Variants in ILK observed in about 807,000 individuals in gnomAD.
ILK encodes integrin linked kinase, also known as scaffold protein ILK.
Under a neutral mutation model 57.8 loss-of-function variants are expected in ILK, and 37 were observed. That is an observed-to-expected ratio of 0.64 (90% CI 0.49 to 0.84). The LOEUF is 0.84. ILK is among the 40% of genes least tolerant of loss of function. ILK has a pLI of 0.00. For synonymous variants in ILK, 231 were observed against 202.2 expected, an observed-to-expected ratio of 1.14 and a Z score of -1.21; for missense variants, 528 against 595.7, an observed-to-expected ratio of 0.89 and a Z score of 1.18.
rs1589935112 is a variant in ILK at position 6,608,238 on chromosome 11, C to T, written c.255+27C>T. On this transcript the variant is annotated intron_variant, in intron 3 of 12. Transcript: ENST00000299421. The surrounding 1 kb of genome is among the most constrained non-coding windows in gnomAD (Gnocchi z 4.9). ...TACGTACAAACTCCTTCGTCATCCA[C>T]ATCACATACATGCCATGAGGGTCAG... 3 of 1,612,538 alleles carry T rather than the reference C, an allele frequency of 1.9e-6. No homozygotes were observed. The highest frequency in any genetic ancestry group is 2.5e-6 in the Non-Finnish European group (3 of 1,178,472).
intron 2 of ILK, among the ~76,000 whole-genome samples, chr11:6,605,866 C>G (rs1377860308): frequency 6.6e-6 from 1 of 152,228 alleles, no homozygotes; most frequent in Non-Finnish European, 1.5e-5. Flanking sequence ...GCTCTCGATA[C>G]AGCAGATTTG....
intron 2 of ILK, chr11:6,606,852 A>C (rs1854964574): frequency 6.6e-6 from 1 of 152,242 alleles, no homozygotes; most frequent in Non-Finnish European, 1.5e-5. Context: ...GAAGCTGATA[A>C]GTCAGGGCAC....
intron 2 of ILK, among the ~76,000 whole-genome samples, chr11:6,605,507 A>G (rs1264938963): frequency 2.2e-5 from 3 of 137,002 alleles, no homozygotes; most frequent in African/African-American, 8.9e-5. Flanking sequence ...TTGAATTTAC[A>G]GTTGGGTTTT....
At chr11:6,607,848 A>G (rs1855084450) in intron 2 of ILK, 198 bp from the exon 3 acceptor site, 1 of 600,630 alleles carries the variant, frequency 1.7e-6, no homozygotes. Context: ...GGTTGTTGAG[A>G]TATCTAGGTG....
Position 6,604,292 on chromosome 11 carries a change from G to A in ILK, c.21G>A (p.Gln7=), listed in dbSNP as rs1854597531. 1 of 1,612,782 alleles carries A rather than the reference G, an allele frequency of 6.2e-7. No individual in the cohort carries two copies. Among genetic ancestry groups the A allele is most frequent in the African/African-American group, 1.3e-5 (1 of 75,034 alleles). MDDIFT[Q]CREGNAVAVR... ...CTGCTATGGACGACATTTTCACTCA[G>A]TGCCGGGAGGGCAACGCAGTCGCCG... The change falls in exon 2 of 13, where the codon CAG becomes CAA. Residue 7 remains glutamine (Q), a synonymous_variant. Transcript: ENST00000299421.
At chr11:6,606,804 C>T (rs547128846) in intron 2 of ILK, 67 of 152,236 alleles carry the variant, frequency 4.4e-4, no homozygotes, top group African/African-American at 1.5e-3. Context: ...ACTTTTGCCC[C>T]CCGAGTTTGG....
At position 6,609,098 on chromosome 11, in the gene ILK, G is replaced by T. The variant is rs1406793461; in HGVS notation, c.560G>T (p.Gly187Val). The T allele has an allele frequency of 2.5e-6, 4 of 1,614,032 alleles. No homozygotes were observed. Among genetic ancestry groups the T allele is most frequent in the African/African-American group, 2.7e-5 (2 of 74,904 alleles). Residue 187 changes from glycine (G) to valine (V), a missense_variant, in exon 7 of 13, where the codon GGC (glycine) becomes GTC (valine). Gly to Val is a moderately radical substitution (Grantham distance 109, BLOSUM62 -3). Transcript: ENST00000299421. ...PRNGTLNKHS[G>V]IDFKQLNFLT... Reference sequence around the variant, plus strand: ...AATGGAACCCTGAACAAACACTCTGGCATTGACTTCAAACAGCTTAACTTC... The same window carrying T: ...AATGGAACCCTGAACAAACACTCTGTCATTGACTTCAAACAGCTTAACTTC...
Position 6,610,745 on chromosome 11 carries a change from C to G in ILK, c.*134C>G. The G allele has an allele frequency of 7.4e-7, 1 of 1,347,116 alleles. No individual in the cohort carries two copies. Among genetic ancestry groups the G allele is most frequent in the Non-Finnish European group, 1.1e-6 (1 of 951,734 alleles). 83.4% of individuals were successfully genotyped at this position (1,347,116 alleles called of 1,614,324 possible). On this transcript the variant is annotated 3_prime_UTR_variant, in exon 13 of 13. Coordinates refer to ENST00000299421, the MANE Select transcript of ILK (RefSeq NM_004517.4). ...ACTACCCCAGCCATGGGGTCCATCC[C>G]CTTCCCCCATCCCTACCACTGTGGC...
Position 6,610,474 on chromosome 11 carries a change from G to A in ILK, c.1222G>A (p.Gly408Ser), listed in dbSNP as rs1427775328. 12 of 1,614,096 alleles carry A rather than the reference G, an allele frequency of 7.4e-6. No individual in the cohort carries two copies. The highest frequency in any genetic ancestry group is 1.0e-5 in the Non-Finnish European group (12 of 1,180,044). Reference protein sequence around the residue: ...MEIGMKVALEGLRPTIPPGIS... With the variant: ...MEIGMKVALESLRPTIPPGIS... ...CTTGTATTCGCAGGTGGCATTGGAAGGCCTTCGGCCTACCATCCCACCAGG... is the reference window on the plus strand; with the variant it reads ...CTTGTATTCGCAGGTGGCATTGGAAAGCCTTCGGCCTACCATCCCACCAGG... The change falls in exon 13 of 13, where the codon GGC (glycine) becomes AGC (serine). Residue 408 changes from glycine (G) to serine (S), a missense_variant. Physicochemically the swap from Gly to Ser is moderately conservative, Grantham distance 56 (BLOSUM62 0). Coordinates refer to ENST00000299421, the MANE Select transcript of ILK (RefSeq NM_004517.4).
chr11:6,608,492 G>A lies in ILK; in HGVS notation c.351+3G>A. ...GGGGCCAAGATCAAGTGGCAGAGGT[G>A]AGTACTCAGCCCTTAATTCCTGAGA... On this transcript the variant is annotated splice_donor_region_variant and intron_variant, in intron 4 of 12. Coordinates refer to ENST00000299421, the MANE Select transcript of ILK (RefSeq NM_004517.4). This position sits in a 1 kb window ranked among gnomAD's most constrained non-coding sequence, Gnocchi z 4.9. 1 of 1,605,382 alleles carries A rather than the reference G, an allele frequency of 6.2e-7. No homozygotes were observed. The highest frequency in any genetic ancestry group is 8.5e-7 in the Non-Finnish European group (1 of 1,171,980).
intron 11 of ILK, 27 bp downstream of exon 11, chr11:6,610,062 T>TA (rs1855344803): frequency 1.9e-6 from 3 of 1,613,296 alleles, no homozygotes; most frequent in South Asian, 2.2e-5. Flanking sequence ...TGTCGGGAGG[T>TA]AAAAAAGGAC....
intron 2 of ILK, 136 bp from the exon 3 acceptor site, chr11:6,607,910 G>A (rs1380221752): frequency 3.4e-6 from 3 of 882,524 alleles, no homozygotes; most frequent in African/African-American, 3.3e-5. Flanking sequence ...AGCTTTGGGA[G>A]TTGCTGGCAT....
chr11:6,609,042 C>T, intron 6 of ILK, 29 bp from the exon 7 acceptor site: 2 of 1,611,750 alleles, frequency 1.2e-6, no homozygotes, highest in Non-Finnish European at 1.7e-6. Context: ...TAGGGTGAAG[C>T]TGGGTACCTG....
intron 2 of ILK, 169 bp downstream of exon 2, chr11:6,604,529 A>C: frequency 1.4e-6 from 1 of 693,178 alleles, no homozygotes. Flanking sequence ...GTTTGAGCTG[A>C]ATCTTGACTG....
intron 2 of ILK, chr11:6,604,819 G>C (rs55802517): frequency 1.3e-5 from 6 of 458,458 alleles, no homozygotes; most frequent in South Asian, 4.6e-5. Context: ...TTTTAAAGCT[G>C]TATAGTGACA....
chr11:6,608,438 G>C lies in ILK; in HGVS notation c.300G>C (p.Gly100=). 1 of 1,614,214 alleles carries C rather than the reference G, an allele frequency of 6.2e-7. No homozygotes were observed. The highest frequency in any genetic ancestry group is 8.5e-7 in the Non-Finnish European group (1 of 1,180,020). ...ACATCAATGCAGTGAATGAACACGGGAATGTGCCCCTGCACTATGCCTGTT... is the reference window on the plus strand; with the variant it reads ...ACATCAATGCAGTGAATGAACACGGCAATGTGCCCCTGCACTATGCCTGTT... ...KADINAVNEH[G]NVPLHYACFW... The change falls in exon 4 of 13, where the codon GGG becomes GGC. Residue 100 remains glycine (G), a synonymous_variant. Coordinates refer to ENST00000299421, the MANE Select transcript of ILK (RefSeq NM_004517.4). This position sits in a 1 kb window ranked among gnomAD's most constrained non-coding sequence, Gnocchi z 4.9.
chr11:6,609,321 G>C lies in ILK; in HGVS notation c.641G>C (p.Gly214Ala), dbSNP rs374924048. The part of the protein sequence containing the change: ...SGELWKGRWQ[G>A]NDIVVKVLKV... Reference sequence around the variant, plus strand: ...CAGCTATGGAAGGGCCGCTGGCAGGGCAATGACATTGTCGTGAAGGTGCTG... The same window carrying C: ...CAGCTATGGAAGGGCCGCTGGCAGGCCAATGACATTGTCGTGAAGGTGCTG... Residue 214 changes from glycine to alanine, a missense_variant, in exon 8 of 13, where the codon GGC becomes GCC. Transcript: ENST00000299421. 2 of 1,614,116 alleles carry C rather than the reference G, an allele frequency of 1.2e-6. No homozygotes were observed. Among genetic ancestry groups the C allele is most frequent in the African/African-American group, 1.3e-5 (1 of 75,016 alleles).
rs763068953 is a variant in ILK at position 6,608,874 on chromosome 11, T to C, written c.449-10T>C. 1 of 1,614,198 alleles carries C rather than the reference T, an allele frequency of 6.2e-7. No homozygotes were observed. The highest frequency in any genetic ancestry group is 1.1e-5 in the South Asian group (1 of 91,082). Reference sequence around the variant, plus strand: ...TCTGTACCACAGCTTAGGTTGTTTTTCTTCCCTAGAGCGGGCAGAGAAGAT... The same window carrying C: ...TCTGTACCACAGCTTAGGTTGTTTTCCTTCCCTAGAGCGGGCAGAGAAGAT... On this transcript the variant is annotated splice_polypyrimidine_tract_variant and intron_variant, in intron 5 of 12. Transcript: ENST00000299421. This position sits in a 1 kb window ranked among gnomAD's most constrained non-coding sequence, Gnocchi z 4.9.
rs1206361042 is a variant in ILK at position 6,603,822 on chromosome 11, G to A, written c.-93G>A. The A allele has an allele frequency of 2.3e-5, 8 of 350,092 alleles. No homozygotes were observed. The highest frequency in any genetic ancestry group is 4.1e-5 in the Non-Finnish European group (8 of 193,528). 21.7% of individuals were successfully genotyped at this position (350,092 alleles called of 1,614,324 possible). A position where few individuals can be genotyped will look rare whatever the true frequency, so the allele number is the denominator to read the frequency against. Reference sequence around the variant, plus strand: ...AGAAGGATCCTGCAGCCCGAGTCCCGGTGAGTGCGAGAGGACCCGCGCCCC... The same window carrying A: ...AGAAGGATCCTGCAGCCCGAGTCCCAGTGAGTGCGAGAGGACCCGCGCCCC... On this transcript the variant is annotated splice_region_variant and 5_prime_UTR_variant, in exon 1 of 13. Transcript: ENST00000299421.
Sources: allele counts gnomAD v4.1 joint callset (sites outside exome capture counted in the v4.1 genomes callset), GRCh38; gene constraint gnomAD v4.1.1; non-coding constraint Gnocchi (gnomAD v3.1); transcripts MANE v1.5; gene names NCBI Gene and HGNC (gene_info 2026-07-23, HGNC 2026-07-21).